CACNA2D2: variants seen among roughly 807,000 people sequenced by gnomAD.
The protein encoded by CACNA2D2 is calcium voltage-gated channel auxiliary subunit alpha2delta 2, also known as voltage-dependent calcium channel subunit alpha-2/delta-2.
Under a neutral mutation model 166.4 loss-of-function variants are expected in CACNA2D2, and 48 were observed. The observed-to-expected ratio is 0.29, with a 90% CI of 0.23 to 0.37. The LOEUF (loss-of-function observed/expected upper bound fraction) is 0.37. Ranked by LOEUF, CACNA2D2 falls within the 10% of genes least tolerant of loss-of-function variation. The pLI, the probability that CACNA2D2 is intolerant of heterozygous loss-of-function variation, is 1.00. For missense variants in CACNA2D2, 1,122 were observed against 1,433.0 expected, an observed-to-expected ratio of 0.78 and a Z score of 3.50; for synonymous variants, 561 against 573.7, an observed-to-expected ratio of 0.98 and a Z score of 0.32.
At position 50,367,665 on chromosome 3, in the gene CACNA2D2, G is replaced by A. The variant is rs770033061; in HGVS notation, c.2274C>T (p.Gly758=). ...ACTTGTTGGGGAAGACTCGGGTGAT[G>A]CCACCGTCTGTGGCAGCGAACACGG... is the stretch of plus-strand genomic sequence containing the variant. ...LLAVFAATDG[G]ITRVFPNKAA... Residue 758 remains glycine (G), a synonymous_variant, in exon 26 of 38, where the codon GGC becomes GGT. Coordinates refer to ENST00000424201, the MANE Select transcript of CACNA2D2 (RefSeq NM_006030.4). This position sits in a 1 kb window ranked among gnomAD's most constrained non-coding sequence, Gnocchi z 6.5. The A allele has an allele frequency of 3.1e-6, 5 of 1,612,186 alleles. No homozygotes were observed. The highest frequency in any genetic ancestry group is 2.2e-5 in the East Asian group (1 of 44,816).
chr3:50,386,416 C>T (rs1322796351), intron 5 of CACNA2D2, among the ~76,000 whole-genome samples: 3 of 152,258 alleles, frequency 2.0e-5, no homozygotes, highest in East Asian at 3.8e-4. Context: ...GCTAAAATTA[C>T]AGCCCGCTGC....
chr3:50,438,651 A>G (rs1156341210), intron 2 of CACNA2D2, among the ~76,000 whole-genome samples: 1 of 152,124 alleles, frequency 6.6e-6, no homozygotes, highest in African/African-American at 2.4e-5. Flanking sequence ...ACCAGCCCCA[A>G]CGTGCCTGGA....
chr3:50,397,460 C>T (rs1447792122), intron 3 of CACNA2D2, among the ~76,000 whole-genome samples: 2 of 152,098 alleles, frequency 1.3e-5, no homozygotes, highest in East Asian at 3.9e-4. Flanking sequence ...GGACTGGGAC[C>T]ACCACTGGTG....
At chr3:50,371,877 C>A (rs587718886) in intron 22 of CACNA2D2, among the ~76,000 whole-genome samples, 1 of 150,996 alleles carries the variant, frequency 6.6e-6, no homozygotes, top group African/African-American at 2.4e-5. Flanking sequence ...GTGGGATGTG[C>A]GGGGGTGGGG....
At chr3:50,466,174 C>G (rs1188423384) in intron 2 of CACNA2D2, among the ~76,000 whole-genome samples, 1 of 152,180 alleles carries the variant, frequency 6.6e-6, no homozygotes, top group Non-Finnish European at 1.5e-5. Context: ...GCACCCCCAA[C>G]CACCTGGCAG....
Position 50,365,967 on chromosome 3 carries a change from C to A in CACNA2D2, c.2862+44G>T, listed in dbSNP as rs147430732. The A allele has an allele frequency of 5.0e-6, 8 of 1,610,294 alleles. No individual in the cohort carries two copies. Among genetic ancestry groups the A allele is most frequent in the African/African-American group, 1.3e-5 (1 of 74,872 alleles). ...TAGGGGGTCATCTGTGGGCAGGTCT[C>A]CCAGTCCCCCCCATCTCCAGTCCAG... is the stretch of plus-strand genomic sequence containing the variant. On this transcript the variant is annotated intron_variant, in intron 32 of 37. Coordinates refer to ENST00000424201, the MANE Select transcript of CACNA2D2 (RefSeq NM_006030.4). This position sits in a 1 kb window ranked among gnomAD's most constrained non-coding sequence, Gnocchi z 4.5.
Position 50,432,388 on chromosome 3 carries a change from C to T in CACNA2D2, c.405+1925G>A, listed in dbSNP as rs559606516. 2.9e-3 allele frequency among the ~76,000 whole-genome samples: 436 copies of T among 152,324 alleles called. 7 individuals are homozygous for T. The highest frequency in any genetic ancestry group is 9.5e-3 in the African/African-American group (393 of 41,572). ...GAAAGGCCTGAGGGCTGTCCCTTCC[C>T]GCATTTATCAGACAGTTCCAACACA... On this transcript the variant is annotated intron_variant, in intron 3 of 37. Coordinates refer to ENST00000424201, the MANE Select transcript of CACNA2D2 (RefSeq NM_006030.4).
intron 2 of CACNA2D2, among the ~76,000 whole-genome samples, chr3:50,434,743 C>A (rs1043047416): frequency 1.3e-5 from 2 of 152,342 alleles, no homozygotes; most frequent in South Asian, 4.1e-4. Context: ...AGCAGCCCTG[C>A]CCCCGACTAG....
intron 1 of CACNA2D2, among the ~76,000 whole-genome samples, chr3:50,485,223 T>C (rs1698226720): frequency 6.6e-6 from 1 of 152,060 alleles, no homozygotes; most frequent in African/African-American, 2.4e-5. Context: ...CACCCACCCC[T>C]ACCCTCACCC....
At chr3:50,421,534 C>T (rs2106840538) in intron 3 of CACNA2D2, among the ~76,000 whole-genome samples, 1 of 152,228 alleles carries the variant, frequency 6.6e-6, no homozygotes, top group South Asian at 2.1e-4. Context: ...ACAGGGTCTT[C>T]CCAACTCTCT....
chr3:50,406,201 A>T (rs1706701698), intron 3 of CACNA2D2, among the ~76,000 whole-genome samples: 1 of 151,832 alleles, frequency 6.6e-6, no homozygotes, highest in Non-Finnish European at 1.5e-5. Flanking sequence ...AATGCCATGC[A>T]AATTGGCACA....
chr3:50,484,559 C>A (rs1698195201), intron 1 of CACNA2D2, among the ~76,000 whole-genome samples: 1 of 152,186 alleles, frequency 6.6e-6, no homozygotes, highest in East Asian at 1.9e-4. Context: ...CTGCCTGAAA[C>A]TGTCTCTCCT....
chr3:50,474,344 T>G (rs1163796018), intron 2 of CACNA2D2, among the ~76,000 whole-genome samples: 1 of 152,198 alleles, frequency 6.6e-6, no homozygotes, highest in Non-Finnish European at 1.5e-5. Context: ...AGCCTGTCCA[T>G]TGCTGTTTTC....
At position 50,503,453 on chromosome 3, in the gene CACNA2D2, AG is replaced by A. The variant is rs1157141774; in HGVS notation, c.-31del. On this transcript the variant is annotated 5_prime_UTR_variant, in exon 1 of 38. Transcript: ENST00000424201. ...CCATTCAAGATGCGGCGCCGCGGGGAGGGGGGGCAGTGGCGGCGGCGGCGGC... is the reference window on the plus strand; with the variant it reads ...CCATTCAAGATGCGGCGCCGCGGGGAGGGGGGCAGTGGCGGCGGCGGCGGC... The A allele has an allele frequency of 9.5e-5, 2 of 21,078 alleles. No individual in the cohort carries two copies. Among genetic ancestry groups the A allele is most frequent in the Non-Finnish European group, 1.8e-4 (2 of 11,064 alleles). The allele number at this position is 21,078 out of a possible 1,614,324, so 1.3% of individuals were successfully genotyped here. A position where few individuals can be genotyped will look rare whatever the true frequency, so the allele number is the denominator to read the frequency against.
chr3:50,445,787 A>G (rs1345456691), intron 2 of CACNA2D2, among the ~76,000 whole-genome samples: 1 of 152,182 alleles, frequency 6.6e-6, no homozygotes, highest in Non-Finnish European at 1.5e-5. Context: ...TTGGACCTGA[A>G]AAATGCAGGG....
chr3:50,383,469 C>G (rs1216533669), intron 6 of CACNA2D2, among the ~76,000 whole-genome samples: 3 of 152,182 alleles, frequency 2.0e-5, no homozygotes, highest in East Asian at 3.8e-4. Context: ...GCTGGAGCTC[C>G]CCATCCAGTG....
intron 1 of CACNA2D2, among the ~76,000 whole-genome samples, chr3:50,490,429 G>T (rs530896412): frequency 5.9e-5 from 9 of 152,170 alleles, no homozygotes; most frequent in Non-Finnish European, 1.0e-4. Context: ...ACATGCTAAT[G>T]CCTGGACCCT....
chr3:50,370,690 G>A (rs986539508), intron 22 of CACNA2D2, among the ~76,000 whole-genome samples: 1 of 151,982 alleles, frequency 6.6e-6, no homozygotes, highest in Non-Finnish European at 1.5e-5. Flanking sequence ...CGGCTGTATA[G>A]CACATATACA....
chr3:50,425,884 A>C (rs1162948797), intron 3 of CACNA2D2, among the ~76,000 whole-genome samples: 2 of 152,160 alleles, frequency 1.3e-5, no homozygotes, highest in African/African-American at 2.4e-5. Flanking sequence ...GGTATTAAAA[A>C]GGAAACTCGG....
Sources: gnomAD v4.1 joint callset for allele counts (sites outside exome capture counted in the v4.1 genomes callset) on GRCh38, gnomAD v4.1.1 for gene constraint, Gnocchi (gnomAD v3.1) non-coding constraint, MANE v1.5 for transcripts, NCBI Gene and HGNC (gene_info 2026-07-23, HGNC 2026-07-21) for gene names.